FAM107B: variants seen among roughly 807,000 people sequenced by gnomAD.
FAM107B encodes family with sequence similarity 107 member B.
FAM107B carries 21 observed loss-of-function variants against 31.5 expected under a neutral mutation model. That is an observed-to-expected ratio of 0.67 (90% CI 0.47 to 0.96). The LOEUF (loss-of-function observed/expected upper bound fraction) is 0.96. Ranked by LOEUF, FAM107B falls within the 40% of genes least tolerant of loss-of-function variation. FAM107B has a pLI of 0.00. For synonymous variants in FAM107B, 157 were observed against 141.5 expected (o/e 1.11, Z -0.78); for missense variants, 452 against 377.1 (o/e 1.20, Z -1.64).
At chr10:14,561,460 G>A (rs1390458014) in intron 2 of FAM107B, among the ~76,000 whole-genome samples, 1 of 152,156 alleles carries the variant, frequency 6.6e-6, no homozygotes, top group African/African-American at 2.4e-5. Context: ...AAAGAGCTTT[G>A]GGCAGACGGA....
chr10:14,576,076 G>A (rs1564582248), intron 2 of FAM107B, among the ~76,000 whole-genome samples: 1 of 152,220 alleles, frequency 6.6e-6, no homozygotes, highest in Non-Finnish European at 1.5e-5. Context: ...TGCTTCCCAG[G>A]GGCTGGGAGA....
chr10:14,694,971 T>C (rs1253610634), intron 1 of FAM107B, among the ~76,000 whole-genome samples: 1 of 152,166 alleles, frequency 6.6e-6, no homozygotes, highest in East Asian at 1.9e-4. Flanking sequence ...ACGATGATGG[T>C]TTTCTTTGCT....
At chr10:14,756,979 A>T (rs1832943946) in intron 1 of FAM107B, among the ~76,000 whole-genome samples, 1 of 152,152 alleles carries the variant, frequency 6.6e-6, no homozygotes, top group African/African-American at 2.4e-5. Flanking sequence ...ATAGACACAC[A>T]GAGGGGAACA....
At chr10:14,635,603 C>T (rs1853477340) in intron 2 of FAM107B, among the ~76,000 whole-genome samples, 1 of 151,962 alleles carries the variant, frequency 6.6e-6, no homozygotes, top group African/African-American at 2.4e-5. Flanking sequence ...TTCAAACCTC[C>T]CTGGTTGGAA....
chr10:14,723,294 G>A, intron 1 of FAM107B: 1 of 539,348 alleles, frequency 1.9e-6, no homozygotes, highest in Admixed American at 1.9e-5. Context: ...GGCACAGAGG[G>A]TATCTGCACA....
intron 1 of FAM107B, among the ~76,000 whole-genome samples, chr10:14,711,792 T>G (rs139522616): frequency 0.01 from 1,558 of 152,296 alleles, 45 homozygotes; most frequent in Admixed American, 0.046. Context: ...CACAGGCACC[T>G]GCCACTACAC....
intron 1 of FAM107B, among the ~76,000 whole-genome samples, chr10:14,739,054 C>T (rs7075577): frequency 0.4 from 60,153 of 151,996 alleles, 12,026 homozygotes; most frequent in African/African-American, 0.46. Flanking sequence ...CTTTTCCCAG[C>T]TTGGTGGTCT....
At chr10:14,657,781 T>TC (rs1344893624) in intron 2 of FAM107B, among the ~76,000 whole-genome samples, 1 of 152,096 alleles carries the variant, frequency 6.6e-6, no homozygotes, top group Admixed American at 6.6e-5. Context: ...CTAATAAACC[T>TC]CCAGCAACAA....
intron 1 of FAM107B, among the ~76,000 whole-genome samples, chr10:14,751,992 C>T (rs1050286392): frequency 6.6e-6 from 1 of 152,306 alleles, no homozygotes; most frequent in South Asian, 2.1e-4. Context: ...ACCTCCCTTG[C>T]TCTGGGTTTC....
intron 1 of FAM107B, among the ~76,000 whole-genome samples, chr10:14,717,097 A>G (rs1352573234): frequency 1.3e-5 from 2 of 152,224 alleles, no homozygotes; most frequent in Non-Finnish European, 2.9e-5. Context: ...CAAAAATAAA[A>G]ATTAAAAATT....
intron 4 of FAM107B, 80 bp downstream of exon 4, chr10:14,521,789 G>A: frequency 6.4e-7 from 1 of 1,550,894 alleles, no homozygotes; most frequent in Non-Finnish European, 8.7e-7. Context: ...GGCACGTCTG[G>A]TAAATCCTGC....
intron 1 of FAM107B, among the ~76,000 whole-genome samples, chr10:14,679,355 T>G (rs540485649): frequency 6.6e-6 from 1 of 152,282 alleles, no homozygotes; most frequent in South Asian, 2.1e-4. Flanking sequence ...GGTCTTGAAC[T>G]CCTGGCCTCA....
intron 4 of FAM107B, 56 bp downstream of exon 4, chr10:14,521,813 C>A (rs1845667933): frequency 2.5e-6 from 4 of 1,593,772 alleles, no homozygotes; most frequent in Non-Finnish European, 3.4e-6. Context: ...CTCCAACACT[C>A]CAACATTCTT....
rs1037965242 is a variant in FAM107B at position 14,639,709 on chromosome 10, G to A, written c.469+27925C>T. ...AAACACCTCTAATGGCTTCCACGGAGCATAGACTGCCCCCATCTTGGAGCC... is the reference window on the plus strand; with the variant it reads ...AAACACCTCTAATGGCTTCCACGGAACATAGACTGCCCCCATCTTGGAGCC... On this transcript the variant is annotated intron_variant, in intron 2 of 4. Transcript: ENST00000181796. 2.0e-5 allele frequency among the ~76,000 whole-genome samples: 3 copies of A among 152,198 alleles called. No individual in the cohort carries two copies. The South Asian group carries it at 6.2e-4, about 32-fold the overall frequency.
intron 2 of FAM107B, among the ~76,000 whole-genome samples, chr10:14,646,524 G>C (rs1423576959): frequency 6.6e-6 from 1 of 152,148 alleles, no homozygotes; most frequent in Non-Finnish European, 1.5e-5. Context: ...TATAGCTGAG[G>C]CGTATTCCAT....
chr10:14,732,022 G>C (rs1209003495), intron 1 of FAM107B, among the ~76,000 whole-genome samples: 1 of 152,158 alleles, frequency 6.6e-6, no homozygotes, highest in Non-Finnish European at 1.5e-5. Flanking sequence ...CCGAACATCT[G>C]CTTCCCCTGG....
rs1225484158 is a variant in FAM107B at position 14,685,885 on chromosome 10, G to A, written c.412-18194C>T. ...ATGGCTGGGGCGGCCTCACAATCAT[G>A]GCGGAAGGCAAAAAAGAAGCGAAGA... On this transcript the variant is annotated intron_variant, in intron 1 of 4. Transcript: ENST00000181796. Among the ~76,000 whole-genome samples the A allele has an allele frequency of 1.3e-5, 2 of 152,146 alleles. 1 individual carries two copies.
rs139545818 is a variant in FAM107B at position 14,703,672 on chromosome 10, A to G, written c.412-35981T>C. On this transcript the variant is annotated intron_variant, in intron 1 of 4. Transcript: ENST00000181796. ...AGTTTGAAAAACACACAAAATAAAA[A>G]CAAATCTTTCAAGAATGACACTGAC... 2.0e-3 allele frequency among the ~76,000 whole-genome samples: 308 copies of G among 152,266 alleles called. 4 individuals are homozygous for G. Among genetic ancestry groups the G allele is most frequent in the East Asian group, 0.018 (92 of 5,182 alleles).
At chr10:14,679,058 G>A (rs1284777726) in intron 1 of FAM107B, among the ~76,000 whole-genome samples, 1 of 152,190 alleles carries the variant, frequency 6.6e-6, no homozygotes, top group Non-Finnish European at 1.5e-5. Flanking sequence ...GAGAGACTGA[G>A]GTTCAAATCC....
Sources: gnomAD v4.1 joint callset for allele counts (sites outside exome capture counted in the v4.1 genomes callset) on GRCh38, gnomAD v4.1.1 for gene constraint, MANE v1.5 for transcripts, NCBI Gene and HGNC (gene_info 2026-07-23, HGNC 2026-07-21) for gene names.